Variants in AKT3 observed in about 807,000 individuals in gnomAD.
The protein encoded by AKT3 is RAC-gamma serine/threonine-protein kinase.
AKT3 carries 15 observed loss-of-function variants against 65.3 expected under a neutral mutation model. The observed-to-expected ratio is 0.23, with a 90% CI of 0.15 to 0.35. The LOEUF (loss-of-function observed/expected upper bound fraction) is 0.35. AKT3 is among the 10% of genes least tolerant of loss of function. The pLI, the probability that AKT3 is intolerant of heterozygous loss-of-function variation, is 1.00. For synonymous variants in AKT3, 206 were observed against 183.8 expected (o/e 1.12, Z -0.98); for missense variants, 243 against 576.5 (o/e 0.42, Z 5.92).
rs1227433567 is a variant in AKT3 at position 243,803,685 on chromosome 1, CACACACAT to C, written c.46+39432_46+39439del. ...ACACACACACACACACACACACACA[CACACACAT>C]AAGACTGAAAGGAAATGTGCCAAAA... On this transcript the variant is annotated intron_variant, in intron 2 of 13. Transcript: ENST00000673466. Among the ~76,000 whole-genome samples the C allele has an allele frequency of 1.4e-3, 182 of 133,316 alleles. 1 individual carries two copies. Among genetic ancestry groups the C allele is most frequent in the African/African-American group, 2.0e-3 (63 of 32,082 alleles). 87.5% of individuals were successfully genotyped at this position (133,316 alleles called of 152,430 possible). A position where few individuals can be genotyped will look rare whatever the true frequency, so the allele number is the denominator to read the frequency against.
chr1:243,741,150 T>C lies in AKT3; in HGVS notation c.47-45434A>G, dbSNP rs191649998. ...AACACTAACAGTATAAACTCCAGCCTAGTTCTTCAAAGACTTTTAGTATTT... is the reference window on the plus strand; with the variant it reads ...AACACTAACAGTATAAACTCCAGCCCAGTTCTTCAAAGACTTTTAGTATTT... On this transcript the variant is annotated intron_variant, in intron 2 of 13. Transcript: ENST00000673466. Among the ~76,000 whole-genome samples the C allele has an allele frequency of 2.6e-5, 4 of 152,318 alleles. No homozygotes were observed. In the East Asian group the frequency reaches 5.8e-4, roughly 22 times the overall value.
intron 2 of AKT3, among the ~76,000 whole-genome samples, chr1:243,780,742 C>T (rs1690857537): frequency 6.6e-6 from 1 of 151,874 alleles, no homozygotes; most frequent in African/African-American, 2.4e-5. Flanking sequence ...AACTTTTATA[C>T]AGGGCTGAAT....
At chr1:243,617,712 CAT>C (rs1678436356) in intron 6 of AKT3, among the ~76,000 whole-genome samples, 1 of 151,924 alleles carries the variant, frequency 6.6e-6, no homozygotes, top group African/African-American at 2.4e-5. Context: ...GTGGGGGTGA[CAT>C]GTTTGTGAAA....
intron 6 of AKT3, among the ~76,000 whole-genome samples, chr1:243,621,962 A>G (rs1181954658): frequency 6.6e-6 from 1 of 152,208 alleles, no homozygotes; most frequent in African/African-American, 2.4e-5. Flanking sequence ...TACTGCTGCA[A>G]TTAGCAAACT....
intron 12 of AKT3, among the ~76,000 whole-genome samples, chr1:243,513,786 A>G (rs1030130332): frequency 1.3e-5 from 2 of 152,168 alleles, no homozygotes; most frequent in Non-Finnish European, 2.9e-5. Flanking sequence ...ACTAATCCCT[A>G]AACTGAAACA....
upstream of AKT3, among the ~76,000 whole-genome samples, chr1:243,850,490 G>A (rs1286289277): frequency 2.0e-5 from 3 of 151,378 alleles, no homozygotes; most frequent in Non-Finnish European, 4.4e-5. Context: ...CCGGCGCGGG[G>A]AGGGGTTCTG....
At chr1:243,742,518 G>C (rs571959464) in intron 2 of AKT3, among the ~76,000 whole-genome samples, 18 of 152,248 alleles carry the variant, frequency 1.2e-4, no homozygotes, top group Admixed American at 5.9e-4. Flanking sequence ...CCAGCTACTT[G>C]GGAGGCTGAG....
intron 2 of AKT3, among the ~76,000 whole-genome samples, chr1:243,732,051 C>T (rs1687599720): frequency 6.6e-6 from 1 of 152,018 alleles, no homozygotes. Context: ...AAATAAATTT[C>T]GCCTCATCTT....
chr1:243,661,217 C>A lies in AKT3; in HGVS notation c.284+3555G>T, dbSNP rs1326819415. On this transcript the variant is annotated intron_variant, in intron 4 of 13. Coordinates refer to ENST00000673466, the MANE Select transcript of AKT3 (RefSeq NM_005465.7). ...AATTGGAAAAAACTACTTTAAAGTACATATGGAACCAAAAAAGAGCCTGCA... is the reference window on the plus strand; with the variant it reads ...AATTGGAAAAAACTACTTTAAAGTAAATATGGAACCAAAAAAGAGCCTGCA... 7.9e-5 allele frequency among the ~76,000 whole-genome samples: 12 copies of A among 152,240 alleles called. No homozygotes were observed. In the East Asian group the frequency reaches 2.3e-3, roughly 29 times the overall value.
Position 243,850,104 on chromosome 1 carries a change from G to C in AKT3, c.-177C>G. ...TCGGGCGGCGGCGGAGGATGGAGCC[G>C]GGGGGGGGCGGGGGGAGGAGAGGGG... On this transcript the variant is annotated 5_prime_UTR_variant, in exon 1 of 14. Transcript: ENST00000673466. 1 of 148,816 alleles carries C rather than the reference G, an allele frequency of 6.7e-6. No homozygotes were observed. Among genetic ancestry groups the C allele is most frequent in the Non-Finnish European group, 1.3e-5 (1 of 78,668 alleles). 9.2% of individuals were successfully genotyped at this position (148,816 alleles called of 1,614,324 possible). A position where few individuals can be genotyped will look rare whatever the true frequency, so the allele number is the denominator to read the frequency against.
chr1:243,821,589 A>G (rs969376437), intron 2 of AKT3, among the ~76,000 whole-genome samples: 8 of 152,204 alleles, frequency 5.3e-5, no homozygotes, highest in Admixed American at 2.0e-4. Context: ...GTGGAGGAAA[A>G]TTTACCAAGC....
chr1:243,599,512 T>C (rs933588457), intron 8 of AKT3, among the ~76,000 whole-genome samples: 4 of 152,152 alleles, frequency 2.6e-5, no homozygotes, highest in African/African-American at 9.7e-5. Context: ...TATGCTGTTA[T>C]AAGGTTCTTA....
chr1:243,795,464 T>G (rs12749347), intron 2 of AKT3, among the ~76,000 whole-genome samples: 18,490 of 95,626 alleles, frequency 0.19, 2,072 homozygotes, highest in East Asian at 0.33. Flanking sequence ...TTTTTTTTGT[T>G]TTTTTTTTTT....
chr1:243,725,621 C>T (rs1687165615), intron 2 of AKT3, among the ~76,000 whole-genome samples: 1 of 152,126 alleles, frequency 6.6e-6, no homozygotes, highest in African/African-American at 2.4e-5. Context: ...AAATAAGGTC[C>T]TTGTGACAAC....
chr1:243,830,016 T>C (rs546984544), intron 2 of AKT3, among the ~76,000 whole-genome samples: 34 of 152,206 alleles, frequency 2.2e-4, no homozygotes, highest in Non-Finnish European at 4.4e-4. Flanking sequence ...AACTGAGCTA[T>C]TTCCACAGTA....
intron 4 of AKT3, among the ~76,000 whole-genome samples, chr1:243,657,938 A>G (rs143104152): frequency 6.6e-6 from 1 of 152,308 alleles, no homozygotes; most frequent in East Asian, 1.9e-4. Context: ...CAAAAGAACA[A>G]AAGTGGAGCC....
At position 243,709,365 on chromosome 1, in the gene AKT3, C is replaced by A. The variant is rs72761650; in HGVS notation, c.47-13649G>T. 4.8e-3 allele frequency among the ~76,000 whole-genome samples: 723 copies of A among 151,192 alleles called. 2 individuals are homozygous for A. Among genetic ancestry groups the A allele is most frequent in the Non-Finnish European group, 7.9e-3 (535 of 67,662 alleles). On this transcript the variant is annotated intron_variant, in intron 2 of 13. Coordinates refer to ENST00000673466, the MANE Select transcript of AKT3 (RefSeq NM_005465.7). ...GGTAAACAGCAAATTTACTTTGACA[C>A]AGCAAGATCTCACGTGGATGACACT...
At chr1:243,523,923 CAG>C (rs1271275888) in intron 12 of AKT3, among the ~76,000 whole-genome samples, 1 of 152,258 alleles carries the variant, frequency 6.6e-6, no homozygotes, top group East Asian at 1.9e-4. Context: ...CACTTAATGA[CAG>C]GGGTCTCTTC....
intron 6 of AKT3, among the ~76,000 whole-genome samples, chr1:243,630,555 C>T (rs1679532038): frequency 2.0e-5 from 3 of 152,206 alleles, no homozygotes; most frequent in Non-Finnish European, 2.9e-5. Flanking sequence ...AACTAATCCT[C>T]AGTAATTTGT....
Sources: gnomAD v4.1 joint callset for allele counts (sites outside exome capture counted in the v4.1 genomes callset) on GRCh38, gnomAD v4.1.1 for gene constraint, MANE v1.5 for transcripts, NCBI Gene and HGNC (gene_info 2026-07-23, HGNC 2026-07-21) for gene names.